The following LDB2 variants were observed in gnomAD, a reference collection of about 807,000 sequenced individuals.
The protein encoded by LDB2 is LIM domain-binding protein 2.
LDB2 carries 12 observed loss-of-function variants against 44.3 expected under a neutral mutation model. The ratio of observed to expected loss-of-function variants is 0.27; its 90% confidence interval spans 0.17 to 0.44. The LOEUF (loss-of-function observed/expected upper bound fraction) is 0.44. Ranked by LOEUF, LDB2 falls within the 20% of genes least tolerant of loss-of-function variation. LDB2 has a pLI of 1.00. For synonymous variants in LDB2, 164 were observed against 174.8 expected, an observed-to-expected ratio of 0.94 and a Z score of 0.49; for missense variants, 344 against 473.5, an observed-to-expected ratio of 0.73 and a Z score of 2.54.
At chr4:16,668,983 T>A (rs1217444147) in intron 2 of LDB2, among the ~76,000 whole-genome samples, 1 of 152,226 alleles carries the variant, frequency 6.6e-6, no homozygotes, top group Non-Finnish European at 1.5e-5. Flanking sequence ...TTGGGTCACA[T>A]GCTCATCTCT....
chr4:16,865,543 T>C (rs1387231541), intron 1 of LDB2, among the ~76,000 whole-genome samples: 1 of 152,108 alleles, frequency 6.6e-6, no homozygotes, highest in Admixed American at 6.5e-5. Context: ...TGCCCCAGCC[T>C]CCAAGAGAAG....
intron 1 of LDB2, among the ~76,000 whole-genome samples, chr4:16,800,765 C>T (rs1161720752): frequency 2.6e-5 from 4 of 152,230 alleles, no homozygotes; most frequent in South Asian, 2.1e-4. Flanking sequence ...AGCTCCGCCT[C>T]CCAGGTTCAC....
intron 1 of LDB2, among the ~76,000 whole-genome samples, chr4:16,824,128 G>A (rs191700244): frequency 6.6e-5 from 10 of 152,324 alleles, no homozygotes; most frequent in Admixed American, 3.9e-4. Flanking sequence ...ACTTTGGGAT[G>A]TCCATTTGAG....
At chr4:16,680,059 G>C (rs1660072614) in intron 2 of LDB2, among the ~76,000 whole-genome samples, 1 of 152,110 alleles carries the variant, frequency 6.6e-6, no homozygotes, top group Non-Finnish European at 1.5e-5. Flanking sequence ...GGACCTTTGG[G>C]AGGTGATTAG....
chr4:16,660,291 C>A lies in LDB2; in HGVS notation c.236-64416G>T, dbSNP rs191451648. Among the ~76,000 whole-genome samples, 123 of 152,254 alleles carry A rather than the reference C, an allele frequency of 8.1e-4. No individual in the cohort carries two copies. In the South Asian group the frequency reaches 0.016, roughly 20 times the overall value. ...GCACAGAATTTGGGAAGGCTGAACACAAAACTCATATTTTGTACTGGCCAT... is the reference window on the plus strand; with the variant it reads ...GCACAGAATTTGGGAAGGCTGAACAAAAAACTCATATTTTGTACTGGCCAT... On this transcript the variant is annotated intron_variant, in intron 2 of 7. Coordinates refer to ENST00000304523, the MANE Select transcript of LDB2 (RefSeq NM_001290.5).
chr4:16,633,085 C>T (rs1241953838), intron 2 of LDB2, among the ~76,000 whole-genome samples: 1 of 152,178 alleles, frequency 6.6e-6, no homozygotes, highest in East Asian at 1.9e-4. Flanking sequence ...GGTACATATA[C>T]ACCATGGAAT....
intron 5 of LDB2, among the ~76,000 whole-genome samples, chr4:16,567,362 CAT>C (rs1744857373): frequency 8.2e-6 from 1 of 122,238 alleles, no homozygotes; most frequent in Admixed American, 9.3e-5. Flanking sequence ...GCACTGCAGA[CAT>C]AGAGTGTGTG....
At chr4:16,893,946 C>T (rs1045892880) in intron 1 of LDB2, among the ~76,000 whole-genome samples, 3 of 152,074 alleles carry the variant, frequency 2.0e-5, no homozygotes, top group African/African-American at 7.2e-5. Context: ...ACTTGATAAA[C>T]TTTCTTAAAT....
intron 5 of LDB2, among the ~76,000 whole-genome samples, chr4:16,551,189 G>C (rs1294434563): frequency 6.6e-6 from 1 of 152,132 alleles, no homozygotes; most frequent in Non-Finnish European, 1.5e-5. Flanking sequence ...ATTTAGGAGG[G>C]TCGATTGAGG....
intron 2 of LDB2, among the ~76,000 whole-genome samples, chr4:16,718,895 T>C (rs1000990413): frequency 2.0e-5 from 3 of 152,138 alleles, no homozygotes; most frequent in Non-Finnish European, 4.4e-5. Context: ...AAAGAATATC[T>C]GTAGACTACT....
intron 1 of LDB2, among the ~76,000 whole-genome samples, chr4:16,783,035 C>T (rs186931552): frequency 6.6e-6 from 1 of 152,122 alleles, no homozygotes; most frequent in African/African-American, 2.4e-5. Flanking sequence ...GAGCTGAGAC[C>T]CAAATAATAA....
chr4:16,659,671 G>GTATATATATATATATA (rs58539901), intron 2 of LDB2, among the ~76,000 whole-genome samples: 1 of 133,518 alleles, frequency 7.5e-6, no homozygotes, highest in Admixed American at 7.0e-5. Flanking sequence ...ATCTATGTGT[G>GTATATATATATATATA]TATATATATA....
intron 4 of LDB2, among the ~76,000 whole-genome samples, 167 bp from the exon 5 acceptor site, chr4:16,586,172 A>AT (rs574424336): frequency 8.5e-5 from 13 of 152,222 alleles, no homozygotes; most frequent in Non-Finnish European, 1.9e-4. Context: ...ACACTTGCAT[A>AT]TAACACTCAA....
At position 16,777,291 on chromosome 4, in the gene LDB2, T is replaced by C. The variant is rs572492562; in HGVS notation, c.133-18031A>G. The stretch of plus-strand genomic sequence containing the variant: ...GGGGAGAGGATGGGCACCCTCATGG[T>C]CTGGGAGGTGAGAAATGGTTTCCTG... On this transcript the variant is annotated intron_variant, in intron 1 of 7. Coordinates refer to ENST00000304523, the MANE Select transcript of LDB2 (RefSeq NM_001290.5). Among the ~76,000 whole-genome samples, 6 of 152,006 alleles carry C rather than the reference T, an allele frequency of 3.9e-5. No homozygotes were observed. The East Asian group carries it at 1.2e-3, about 29-fold the overall frequency.
intron 5 of LDB2, among the ~76,000 whole-genome samples, chr4:16,525,721 T>A (rs202039203): frequency 8.0e-6 from 1 of 125,706 alleles, no homozygotes; most frequent in Non-Finnish European, 1.9e-5. Flanking sequence ...ATAAATAAAT[T>A]AAATAAACAA....
chr4:16,721,246 A>C (rs186088049), intron 2 of LDB2, among the ~76,000 whole-genome samples: 39 of 152,306 alleles, frequency 2.6e-4, no homozygotes, highest in Middle Eastern at 6.8e-3. Flanking sequence ...ATAAACAGGC[A>C]CACAATACAT....
chr4:16,505,929 C>G (rs1719232979), intron 7 of LDB2: 1 of 1,551,552 alleles, frequency 6.4e-7, no homozygotes, highest in Non-Finnish European at 8.7e-7. Flanking sequence ...TTGAATGACA[C>G]AGGTCTCCAT....
chr4:16,606,826 C>T (rs1158691505), intron 2 of LDB2, among the ~76,000 whole-genome samples: 1 of 152,166 alleles, frequency 6.6e-6, no homozygotes, highest in Non-Finnish European at 1.5e-5. Flanking sequence ...AGGACTTCTC[C>T]AACTCAAACC....
chr4:16,542,106 G>GGT (rs1553889185), intron 5 of LDB2, among the ~76,000 whole-genome samples: 8 of 147,462 alleles, frequency 5.4e-5, no homozygotes, highest in African/African-American at 1.5e-4. Flanking sequence ...GGTGGTGGGG[G>GGT]GGGGGGCGCG....
Sources: gnomAD v4.1 joint callset for allele counts (sites outside exome capture counted in the v4.1 genomes callset) on GRCh38, gnomAD v4.1.1 for gene constraint, MANE v1.5 for transcripts, NCBI Gene and HGNC (gene_info 2026-07-23, HGNC 2026-07-21) for gene names.